Variants in ZNF536 observed in about 807,000 individuals in gnomAD.
The protein encoded by ZNF536 is zinc finger protein 536.
ZNF536 carries 13 observed loss-of-function variants against 84.5 expected under a neutral mutation model. That is an observed-to-expected ratio of 0.15 (90% CI 0.10 to 0.24). The LOEUF is 0.24. Among genes scored for constraint, ZNF536 ranks in the 10% least tolerant of loss-of-function variants. The pLI is 1.00. For missense variants in ZNF536, 1,536 were observed against 1,747.5 expected (o/e 0.88, Z 2.16); for synonymous variants, 811 against 742.5 (o/e 1.09, Z -1.50).
chr19:30,300,091 A>T (rs1405892346), intron 2 of ZNF536, among the ~76,000 whole-genome samples: 1 of 152,196 alleles, frequency 6.6e-6, no homozygotes, highest in African/African-American at 2.4e-5. Context: ...CGTTATTAAT[A>T]GCTATTTGTT....
At chr19:30,585,513 G>A (rs575441576) in intron 1 of ZNF536, among the ~76,000 whole-genome samples, 1 of 152,336 alleles carries the variant, frequency 6.6e-6, no homozygotes, top group South Asian at 2.1e-4. Context: ...TGGTCAGAAA[G>A]GGTTAATAGA....
chr19:30,660,760 A>G (rs180744775), intron 1 of ZNF536, among the ~76,000 whole-genome samples: 131 of 152,348 alleles, frequency 8.6e-4, no homozygotes, highest in Non-Finnish European at 1.6e-3. Flanking sequence ...TTGTGCCGTC[A>G]TGATTGACAG....
chr19:30,427,608 A>G (rs2077176980), intron 1 of ZNF536, among the ~76,000 whole-genome samples: 1 of 151,808 alleles, frequency 6.6e-6, no homozygotes, highest in Non-Finnish European at 1.5e-5. Context: ...GTTTTACTAG[A>G]TTTCTCGGGG....
intron 1 of ZNF536, among the ~76,000 whole-genome samples, chr19:30,676,683 A>G (rs562992853): frequency 6.6e-6 from 1 of 152,368 alleles, no homozygotes; most frequent in African/African-American, 2.4e-5. Context: ...CAGTACAAAT[A>G]TTAATTTTTG....
intron 1 of ZNF536, among the ~76,000 whole-genome samples, chr19:30,259,165 C>A (rs2191002): frequency 1.3e-5 from 2 of 152,052 alleles, no homozygotes; most frequent in African/African-American, 2.4e-5. Context: ...GAGAAGGTAG[C>A]GATTTTGCAC....
At chr19:30,337,293 A>G (rs901884179) in intron 2 of ZNF536, among the ~76,000 whole-genome samples, 6 of 152,014 alleles carry the variant, frequency 3.9e-5, no homozygotes, top group African/African-American at 1.5e-4. Flanking sequence ...GGCGTCCGCA[A>G]TCTCCCAACT....
intron 1 of ZNF536, among the ~76,000 whole-genome samples, chr19:30,628,553 C>T (rs760881431): frequency 3.6e-4 from 55 of 151,644 alleles, no homozygotes; most frequent in Admixed American, 1.5e-3. Flanking sequence ...CTCAGCATCA[C>T]GAGTAGCTGG....
chr19:30,689,368 A>T (rs12608856), intron 1 of ZNF536, among the ~76,000 whole-genome samples: 6,506 of 152,302 alleles, frequency 0.043, 179 homozygotes, highest in Middle Eastern at 0.078. Flanking sequence ...TGCCAAAAAC[A>T]TGTCCGTCTG....
chr19:30,234,759 ACACACACACACACACG>A lies in ZNF536; in HGVS notation c.-190+6088_-190+6103del, dbSNP rs1179508594. Among the ~76,000 whole-genome samples, 31 of 150,444 alleles carry A rather than the reference ACACACACACACACACG, an allele frequency of 2.1e-4. No individual in the cohort carries two copies. In the East Asian group the frequency reaches 5.4e-3, roughly 26 times the overall value. On this transcript the variant is annotated intron_variant, in intron 1 of 5. Coordinates refer to the ZNF536 transcript ENST00000585628. ...ATTACTAAATTACACACACACACACACACACACACACACACGCGCACACGCACCCCACACCACGAAG... is the reference window on the plus strand; with the variant it reads ...ATTACTAAATTACACACACACACACACGCACACGCACCCCACACCACGAAG...
intron 1 of ZNF536, among the ~76,000 whole-genome samples, chr19:30,236,528 G>GC (rs1421757510): frequency 7.1e-6 from 1 of 139,898 alleles, no homozygotes; most frequent in African/African-American, 2.9e-5. Context: ...TAAAGTTGGG[G>GC]CGGGGGGGGG....
At position 30,569,559 on chromosome 19, in the gene ZNF536, CTTTTTTTTTTTT is replaced by C. The variant is rs34995610; in HGVS notation, c.169+20064_169+20075del. Among the ~76,000 whole-genome samples the C allele has an allele frequency of 6.7e-4, 37 of 55,096 alleles. 2 individuals carry two copies. The highest frequency in any genetic ancestry group is 2.5e-3 in the African/African-American group (33 of 13,222). 36.1% of individuals were successfully genotyped at this position (55,096 alleles called of 152,430 possible). On this transcript the variant is annotated intron_variant, in intron 1 of 1. Coordinates refer to the ZNF536 transcript ENST00000592773. ...ATGGAATCGAAGCCAGATAAACGTT[CTTTTTTTTTTTT>C]TTTTTTTTTTTTTTTTTTGAGACAG...
chr19:30,269,471 A>T (rs2025702719), intron 1 of ZNF536, among the ~76,000 whole-genome samples: 1 of 152,220 alleles, frequency 6.6e-6, no homozygotes, highest in African/African-American at 2.4e-5. Flanking sequence ...GGAATGAAAA[A>T]GAAACTGTAG....
chr19:30,548,434 A>G lies in ZNF536; in HGVS notation c.2815A>G (p.Lys939Glu), dbSNP rs2146201225. 1 of 1,614,210 alleles carries G rather than the reference A, an allele frequency of 6.2e-7. No individual in the cohort carries two copies. Among genetic ancestry groups the G allele is most frequent in the Non-Finnish European group, 8.5e-7 (1 of 1,180,040 alleles). Residue 939 changes from lysine to glutamate, a missense_variant, in exon 4 of 5, where the codon AAA (lysine) becomes GAA (glutamate). Physicochemically the swap from Lys to Glu is moderately conservative, Grantham distance 56. Around this residue, in one of 8 missense-constraint regions of ZNF536, gnomAD observed 624 missense variants for 603.1 expected, o/e 1.03. Transcript: ENST00000355537. ...GAAGAAGGAGAAGGACATGAAGGACAAAGCCCTGGCTGACCCCCCTTCCAT... is the reference window on the plus strand; with the variant it reads ...GAAGAAGGAGAAGGACATGAAGGACGAAGCCCTGGCTGACCCCCCTTCCAT... Reference protein sequence around the residue: ...SLKKEKDMKDKALADPPSMKV... With the variant: ...SLKKEKDMKDEALADPPSMKV...
intron 1 of ZNF536, among the ~76,000 whole-genome samples, chr19:30,642,297 G>A (rs2049295755): frequency 6.6e-6 from 1 of 152,208 alleles, no homozygotes; most frequent in African/African-American, 2.4e-5. Context: ...TTGTTGCAAA[G>A]TACACTTGGA....
At chr19:30,664,078 T>C (rs1226948936) in intron 1 of ZNF536, among the ~76,000 whole-genome samples, 1 of 152,200 alleles carries the variant, frequency 6.6e-6, no homozygotes, top group African/African-American at 2.4e-5. Flanking sequence ...ATATGATACA[T>C]GTACCTAGAA....
intron 2 of ZNF536, among the ~76,000 whole-genome samples, chr19:30,491,473 G>A (rs896065019): frequency 3.0e-4 from 45 of 152,154 alleles, no homozygotes; most frequent in Non-Finnish European, 5.0e-4. Context: ...GTAATACAAT[G>A]CCAATCCATG....
intron 1 of ZNF536, among the ~76,000 whole-genome samples, chr19:30,442,126 A>G (rs1041507486): frequency 1.3e-5 from 2 of 152,256 alleles, no homozygotes; most frequent in Non-Finnish European, 2.9e-5. Flanking sequence ...GATGATTCCA[A>G]TGGCAGGAAA....
chr19:30,367,626 G>T (rs1354239000), upstream of ZNF536, among the ~76,000 whole-genome samples: 1 of 152,192 alleles, frequency 6.6e-6, no homozygotes, highest in Non-Finnish European at 1.5e-5. Flanking sequence ...ATGCCCATTT[G>T]ATTCAGGAAG....
At chr19:30,271,913 C>T (rs1044352151) in intron 1 of ZNF536, among the ~76,000 whole-genome samples, 1 of 152,182 alleles carries the variant, frequency 6.6e-6, no homozygotes, top group Non-Finnish European at 1.5e-5. Flanking sequence ...ATAACAAAAA[C>T]CCCTGCACAG....
Sources: allele counts gnomAD v4.1 joint callset (sites outside exome capture counted in the v4.1 genomes callset), GRCh38; gene constraint gnomAD v4.1.1; regional missense constraint gnomAD v4.1.1; transcripts MANE v1.5; gene names NCBI Gene and HGNC (gene_info 2026-07-23, HGNC 2026-07-21).